The following RBFOX1 variants were observed in gnomAD, a reference collection of about 807,000 sequenced individuals.
RBFOX1 encodes RNA binding protein fox-1 homolog 1.
A neutral mutation model predicts 57.7 loss-of-function variants in RBFOX1; 8 were observed. That is an observed-to-expected ratio of 0.14 (90% CI 0.08 to 0.25). The LOEUF (loss-of-function observed/expected upper bound fraction) is 0.25. Among genes scored for constraint, RBFOX1 ranks in the 10% least tolerant of loss-of-function variants. RBFOX1 has a pLI of 1.00. For missense variants in RBFOX1, 611 were observed against 548.5 expected (o/e 1.11, Z -1.14); for synonymous variants, 326 against 222.4 (o/e 1.47, Z -4.15).
intron 4 of RBFOX1, among the ~76,000 whole-genome samples, chr16:7,236,815 A>G (rs2093790549): frequency 6.6e-6 from 1 of 152,184 alleles, no homozygotes; most frequent in South Asian, 2.1e-4. Flanking sequence ...TGGGTTTGTC[A>G]ACATATCTTG....
At chr16:6,113,944 G>T (rs1479336403) in intron 1 of RBFOX1, among the ~76,000 whole-genome samples, 1 of 152,154 alleles carries the variant, frequency 6.6e-6, no homozygotes, top group Non-Finnish European at 1.5e-5. Flanking sequence ...CTCTAGGGCT[G>T]GTATCCAGCT....
intron 1 of RBFOX1, among the ~76,000 whole-genome samples, chr16:5,443,033 C>G (rs377465392): frequency 6.6e-6 from 1 of 152,140 alleles, no homozygotes; most frequent in African/African-American, 2.4e-5. Context: ...CCAGGAGCCA[C>G]TAGAGACTGA....
At chr16:7,657,167 T>G (rs2066510290) in intron 12 of RBFOX1, among the ~76,000 whole-genome samples, 1 of 152,196 alleles carries the variant, frequency 6.6e-6, no homozygotes, top group Non-Finnish European at 1.5e-5. Context: ...TTCTTCCTCC[T>G]GGGAGATTGA....
At chr16:6,287,700 A>G (rs1417235803) in intron 1 of RBFOX1, among the ~76,000 whole-genome samples, 1 of 152,200 alleles carries the variant, frequency 6.6e-6, no homozygotes, top group East Asian at 1.9e-4. Flanking sequence ...ACACACACAT[A>G]TAAGCATACA....
At chr16:5,761,096 G>A (rs1266232557) in intron 3 of RBFOX1, among the ~76,000 whole-genome samples, 1 of 152,208 alleles carries the variant, frequency 6.6e-6, no homozygotes, top group Non-Finnish European at 1.5e-5. Context: ...GAATGCTAAT[G>A]CAAGAGTTAG....
intron 4 of RBFOX1, among the ~76,000 whole-genome samples, chr16:7,156,089 C>G (rs1041677280): frequency 9.9e-5 from 15 of 152,010 alleles, no homozygotes; most frequent in African/African-American, 3.1e-4. Flanking sequence ...TCAGGGTGGT[C>G]TCAAACTCCT....
In RBFOX1 at chr16:6,946,042, G is replaced by A. The variant is rs555603761; in HGVS notation, c.-15-106015G>A. ...CCTTTGCCTACACAGATGCTTCACT[G>A]GAAATGTGAGGGAATTAAAGCACCC... On this transcript the variant is annotated intron_variant, in intron 3 of 15. Transcript: ENST00000550418. Among the ~76,000 whole-genome samples, 21 of 152,300 alleles carry A rather than the reference G, an allele frequency of 1.4e-4. No individual in the cohort carries two copies. In the South Asian group the frequency reaches 4.4e-3, roughly 32 times the overall value.
At chr16:6,589,660 C>A (rs1194631580) in intron 2 of RBFOX1, among the ~76,000 whole-genome samples, 1 of 152,240 alleles carries the variant, frequency 6.6e-6, no homozygotes, top group Non-Finnish European at 1.5e-5. Context: ...AATTTCTAAT[C>A]TTGTGGCTCA....
chr16:5,482,644 T>G (rs2069585543), intron 2 of RBFOX1, among the ~76,000 whole-genome samples: 2 of 152,198 alleles, frequency 1.3e-5, no homozygotes, highest in African/African-American at 4.8e-5. Context: ...AAGGAATGTC[T>G]TGATTGATTA....
In RBFOX1 at chr16:5,609,043, G is replaced by A. The variant is rs1220564509; in HGVS notation, c.318+10082G>A. 3.9e-5 allele frequency among the ~76,000 whole-genome samples: 6 copies of A among 152,282 alleles called. No individual in the cohort carries two copies. The South Asian group carries it at 1.2e-3, about 32-fold the overall frequency. On this transcript the variant is annotated intron_variant, in intron 3 of 19. Transcript: ENST00000641259. The stretch of plus-strand genomic sequence containing the variant: ...TCACACATAGCTTTTAATCAAGAAA[G>A]ACGGAAGGAAGATAAGGGGAGCAAA...
chr16:6,690,079 T>C (rs1009697610), intron 3 of RBFOX1, among the ~76,000 whole-genome samples: 3 of 152,218 alleles, frequency 2.0e-5, no homozygotes, highest in African/African-American at 7.2e-5. Flanking sequence ...TTTGCTTTTT[T>C]TCCTGTTGGG....
At chr16:7,292,941 G>C (rs1290838338) in intron 4 of RBFOX1, among the ~76,000 whole-genome samples, 5 of 151,876 alleles carry the variant, frequency 3.3e-5, no homozygotes, top group Admixed American at 1.3e-4. Context: ...AGGAAACAGA[G>C]GATGAAGGGG....
intron 1 of RBFOX1, among the ~76,000 whole-genome samples, chr16:6,247,356 A>T (rs1001968002): frequency 6.6e-6 from 1 of 152,220 alleles, no homozygotes; most frequent in African/African-American, 2.4e-5. Flanking sequence ...AGACTTTGGC[A>T]GCTGGTCACA....
chr16:6,317,618 C>A lies in RBFOX1; in HGVS notation c.-64+561C>A, dbSNP rs150936080. On this transcript the variant is annotated intron_variant, in intron 2 of 15. Transcript: ENST00000550418. ...ATTTCATTTGTTTTCAGCAAGTAAG[C>A]ATTTTTCCACTTTCTGCCTTTCTCA... Among the ~76,000 whole-genome samples, 1,120 of 152,182 alleles carry A rather than the reference C, an allele frequency of 7.4e-3. 14 individuals are homozygous for A. The highest frequency in any genetic ancestry group is 0.025 in the African/African-American group (1,056 of 41,518).
chr16:6,511,699 A>G (rs982236111), intron 2 of RBFOX1, among the ~76,000 whole-genome samples: 2 of 152,180 alleles, frequency 1.3e-5, no homozygotes, highest in Non-Finnish European at 2.9e-5. Flanking sequence ...GGCTGTGGTG[A>G]TAGTAATTTG....
intron 3 of RBFOX1, among the ~76,000 whole-genome samples, chr16:6,990,323 G>A (rs1245878874): frequency 2.6e-5 from 4 of 152,022 alleles, no homozygotes; most frequent in Non-Finnish European, 4.4e-5. Context: ...TCAGGAGTTC[G>A]AGACCAGCCT....
rs979986202 is a variant in RBFOX1, at chr16:7,146,666, C to T, written c.27+94568C>T. On this transcript the variant is annotated intron_variant, in intron 4 of 15. Coordinates refer to ENST00000550418, the MANE Select transcript of RBFOX1 (RefSeq NM_018723.4). ...AGCAGATAACGTAAAAATAACAATG[C>T]GGCTGGGTGCAGTGGCTCATGCCTG... Among the ~76,000 whole-genome samples, 20 of 152,092 alleles carry T rather than the reference C, an allele frequency of 1.3e-4. No individual in the cohort carries two copies. The South Asian group carries it at 2.3e-3, about 17-fold the overall frequency.
chr16:7,056,204 A>C (rs896677261), intron 4 of RBFOX1, among the ~76,000 whole-genome samples: 3 of 152,184 alleles, frequency 2.0e-5, no homozygotes, highest in African/African-American at 7.2e-5. Context: ...GGCATCAGCC[A>C]GTTACTCCCA....
intron 3 of RBFOX1, among the ~76,000 whole-genome samples, chr16:6,924,184 T>TAATAATAAC (rs1567902627): frequency 1.3e-5 from 2 of 150,840 alleles, no homozygotes; most frequent in Non-Finnish European, 3.0e-5. Context: ...ATAATAATAA[T>TAATAATAAC]AATAATAATA....
Sources: allele counts gnomAD v4.1 joint callset (sites outside exome capture counted in the v4.1 genomes callset), GRCh38; gene constraint gnomAD v4.1.1; transcripts MANE v1.5; gene names NCBI Gene and HGNC (gene_info 2026-07-23, HGNC 2026-07-21).